Variants in PARVB observed in about 807,000 individuals in gnomAD.
PARVB encodes the protein parvin beta.
PARVB carries 46 observed loss-of-function variants against 47.0 expected under a neutral mutation model. The ratio of observed to expected loss-of-function variants is 0.98; its 90% CI spans 0.77 to 1.25. The LOEUF (loss-of-function observed/expected upper bound fraction) is 1.25. Among genes scored for constraint, PARVB ranks in the 50% most tolerant of loss-of-function variants. PARVB has a pLI of 0.00. For missense variants in PARVB, 473 were observed against 471.6 expected, an observed-to-expected ratio of 1.00 and a Z score of -0.03; for synonymous variants, 196 against 196.3, an observed-to-expected ratio of 1.00 and a Z score of 0.01.
intron 1 of PARVB, among the ~76,000 whole-genome samples, chr22:44,070,719 A>G (rs957936271): frequency 6.6e-6 from 1 of 152,194 alleles, no homozygotes; most frequent in Non-Finnish European, 1.5e-5. Flanking sequence ...CAAAAAGGTG[A>G]TTGCGCACAG....
chr22:44,080,207 TG>T (rs1415982089), intron 1 of PARVB, among the ~76,000 whole-genome samples: 3 of 152,326 alleles, frequency 2.0e-5, no homozygotes, highest in Non-Finnish European at 4.4e-5. Flanking sequence ...GTGGAGTTGC[TG>T]GGGCTCTCTT....
At chr22:44,098,731 G>C (rs1398077184) in intron 2 of PARVB, among the ~76,000 whole-genome samples, 3 of 152,198 alleles carry the variant, frequency 2.0e-5, no homozygotes, top group Non-Finnish European at 2.9e-5. Flanking sequence ...CATGTTGTCA[G>C]AGTTTACACT....
intron 1 of PARVB, among the ~76,000 whole-genome samples, chr22:44,075,632 C>T (rs1369916506): frequency 6.6e-6 from 1 of 152,238 alleles, no homozygotes; most frequent in African/African-American, 2.4e-5. Flanking sequence ...GCAACCTCTG[C>T]TCCTTTCACT....
chr22:44,132,877 C>T lies in PARVB; in HGVS notation c.518-17C>T, dbSNP rs368388010. 4 of 1,577,038 alleles carry T rather than the reference C, an allele frequency of 2.5e-6. No homozygotes were observed. Among genetic ancestry groups the T allele is most frequent in the South Asian group, 1.1e-5 (1 of 90,326 alleles). On this transcript the variant is annotated splice_polypyrimidine_tract_variant and intron_variant, in intron 5 of 12. Coordinates refer to ENST00000338758, the MANE Select transcript of PARVB (RefSeq NM_013327.5). ...TAACCTGATCTAAAGCGTCTCCCTT[C>T]CTCCTTCCTCCTGCAGCAATTCACG...
chr22:44,140,503 C>T (rs914669113), intron 8 of PARVB: 7 of 591,296 alleles, frequency 1.2e-5, no homozygotes, highest in African/African-American at 9.2e-5. Flanking sequence ...CATGGAGCGT[C>T]GTTAGCTGGC....
chr22:44,018,113 A>G (rs2050603368), intron 2 of PARVB, among the ~76,000 whole-genome samples: 1 of 152,036 alleles, frequency 6.6e-6, no homozygotes, highest in East Asian at 1.9e-4. Flanking sequence ...GTCAATAACC[A>G]CATCTCGGCC....
intron 1 of PARVB, among the ~76,000 whole-genome samples, chr22:44,075,511 C>T (rs556777940): frequency 2.0e-5 from 3 of 152,308 alleles, no homozygotes; most frequent in South Asian, 4.1e-4. Context: ...CCATGAGGGG[C>T]CCCTCTTGGT....
At chr22:44,092,789 C>T (rs2052203055) in intron 1 of PARVB, among the ~76,000 whole-genome samples, 2 of 152,236 alleles carry the variant, frequency 1.3e-5, no homozygotes, top group Admixed American at 1.3e-4. Flanking sequence ...CCCTGTTGGC[C>T]TGCTGCTCCA....
intron 1 of PARVB, among the ~76,000 whole-genome samples, chr22:44,055,656 A>ATCTCTCTCTCTC (rs3083345): frequency 2.0e-5 from 3 of 148,378 alleles, no homozygotes; most frequent in African/African-American, 7.5e-5. Context: ...GTCTCTATCC[A>ATCTCTCTCTCTC]TCTCTCTCTC....
chr22:44,084,275 T>C (rs1210327400), intron 1 of PARVB, among the ~76,000 whole-genome samples: 1 of 152,222 alleles, frequency 6.6e-6, no homozygotes, highest in Non-Finnish European at 1.5e-5. Context: ...TGTCCTGGGA[T>C]GCCTGCTCCA....
chr22:44,023,676 C>T (rs2050682562), upstream of PARVB, among the ~76,000 whole-genome samples: 2 of 152,122 alleles, frequency 1.3e-5, no homozygotes, highest in South Asian at 2.1e-4. Flanking sequence ...GGCCTGTCTC[C>T]CCTCCTCTCC....
intron 1 of PARVB, among the ~76,000 whole-genome samples, chr22:44,070,785 G>A (rs999989192): frequency 6.6e-6 from 1 of 152,232 alleles, no homozygotes; most frequent in African/African-American, 2.4e-5. Flanking sequence ...TTGGCGGCTG[G>A]AGGAGGGTAG....
chr22:44,071,159 A>G (rs1023344135), intron 1 of PARVB, among the ~76,000 whole-genome samples: 2 of 152,166 alleles, frequency 1.3e-5, no homozygotes, highest in Non-Finnish European at 2.9e-5. Flanking sequence ...ATCTCACAGT[A>G]CATTAGCAGA....
At chr22:44,041,195 C>T (rs2051013278) in intron 1 of PARVB, among the ~76,000 whole-genome samples, 2 of 151,958 alleles carry the variant, frequency 1.3e-5, no homozygotes, top group Admixed American at 6.6e-5. Context: ...CAAGTGTTCA[C>T]TTCAAACTTT....
At chr22:44,060,246 G>T (rs1486734915) in intron 1 of PARVB, among the ~76,000 whole-genome samples, 1 of 152,114 alleles carries the variant, frequency 6.6e-6, no homozygotes, top group African/African-American at 2.4e-5. Flanking sequence ...AACCCAGGAG[G>T]TGGAGGTTGC....
chr22:44,164,546 A>G (rs2054126016), intron 12 of PARVB, among the ~76,000 whole-genome samples: 1 of 152,140 alleles, frequency 6.6e-6, no homozygotes, highest in Non-Finnish European at 1.5e-5. Flanking sequence ...CTGCCTGTGA[A>G]CCCTGCTGGA....
At chr22:44,019,843 G>A (rs1196202617), upstream of PARVB, among the ~76,000 whole-genome samples, 2 of 152,204 alleles carry the variant, frequency 1.3e-5, no homozygotes, top group African/African-American at 4.8e-5. Context: ...TCAATATGGG[G>A]TTTAGATATT....
upstream of PARVB, chr22:44,024,258 G>T (rs1214234427): frequency 2.6e-6 from 2 of 764,712 alleles, no homozygotes; most frequent in African/African-American, 1.9e-5. Flanking sequence ...GGCCGGCGGC[G>T]GGGCCGCGCC....
intron 2 of PARVB, among the ~76,000 whole-genome samples, chr22:44,015,164 T>TAA (rs35523068): frequency 2.1e-4 from 30 of 143,930 alleles, no homozygotes; most frequent in Admixed American, 4.1e-4. Context: ...ACACAGCAAT[T>TAA]AAAAAAAAAA....
Sources: gnomAD v4.1 joint callset for allele counts (sites outside exome capture counted in the v4.1 genomes callset) on GRCh38, gnomAD v4.1.1 for gene constraint, MANE v1.5 for transcripts, NCBI Gene and HGNC (gene_info 2026-07-23, HGNC 2026-07-21) for gene names.